Variants in ANKRD13C observed in about 807,000 individuals in gnomAD.
ANKRD13C encodes the protein ankyrin repeat domain 13C.
In ANKRD13C, 16 loss-of-function variants were observed where a neutral mutation model predicts 65.5. The ratio of observed to expected loss-of-function variants is 0.24; its 90% CI spans 0.17 to 0.37. The LOEUF (loss-of-function observed/expected upper bound fraction) is 0.37, where lower values mean the gene tolerates loss of function less well. ANKRD13C is among the 10% of genes least tolerant of loss of function. ANKRD13C has a pLI of 1.00. For missense variants in ANKRD13C, 503 were observed against 655.9 expected (o/e 0.77, Z 2.55); for synonymous variants, 235 against 238.7 (o/e 0.98, Z 0.14).
At chr1:70,338,430 C>A (rs966030669) in intron 1 of ANKRD13C, among the ~76,000 whole-genome samples, 34 of 152,208 alleles carry the variant, frequency 2.2e-4, no homozygotes, top group African/African-American at 8.2e-4. Flanking sequence ...GAGACAGAGT[C>A]TCCTTCTGTT....
intron 12 of ANKRD13C, among the ~76,000 whole-genome samples, chr1:70,264,234 G>A (rs1678508497): frequency 6.6e-6 from 1 of 152,104 alleles, no homozygotes; most frequent in Non-Finnish European, 1.5e-5. Context: ...CCAGCACTTT[G>A]GGAGGCTGAG....
At chr1:70,339,259 C>CAA (rs910228172) in intron 1 of ANKRD13C, among the ~76,000 whole-genome samples, 9 of 147,506 alleles carry the variant, frequency 6.1e-5, no homozygotes, top group Admixed American at 2.0e-4. Flanking sequence ...GTGCTAGAGA[C>CAA]AAAAGGTCAA....
chr1:70,336,456 A>T (rs971232657), intron 1 of ANKRD13C, among the ~76,000 whole-genome samples: 1 of 152,306 alleles, frequency 6.6e-6, no homozygotes, highest in Non-Finnish European at 1.5e-5. Context: ...GTAAGACTGA[A>T]TCCCAGTTTT....
chr1:70,324,017 T>G (rs1210843106), intron 3 of ANKRD13C, among the ~76,000 whole-genome samples: 5 of 152,128 alleles, frequency 3.3e-5, no homozygotes, highest in African/African-American at 1.2e-4. Flanking sequence ...TGAGCCACCG[T>G]GCCCAGCCTG....
intron 6 of ANKRD13C, among the ~76,000 whole-genome samples, chr1:70,305,162 T>A (rs1414799000): frequency 6.6e-6 from 1 of 152,092 alleles, no homozygotes; most frequent in African/African-American, 2.4e-5. Flanking sequence ...TTAACCAAAT[T>A]CTATTGCTTA....
chr1:70,296,032 C>A, intron 8 of ANKRD13C, 98 bp downstream of exon 8: 1 of 1,411,370 alleles, frequency 7.1e-7, no homozygotes, highest in South Asian at 1.5e-5. Flanking sequence ...TACTTGGAGA[C>A]AATTCTGTAA....
At chr1:70,322,989 G>A (rs971335320) in intron 3 of ANKRD13C, among the ~76,000 whole-genome samples, 3 of 150,770 alleles carry the variant, frequency 2.0e-5, no homozygotes, top group Non-Finnish European at 4.4e-5. Flanking sequence ...GTGGAACTCC[G>A]TCTCAAAAAA....
chr1:70,277,468 A>G (rs1351766031), intron 9 of ANKRD13C, among the ~76,000 whole-genome samples: 1 of 152,078 alleles, frequency 6.6e-6, no homozygotes, highest in Non-Finnish European at 1.5e-5. Context: ...AAAAAAAAAA[A>G]AACAAAACTC....
chr1:70,271,801 T>A (rs1465751233), intron 11 of ANKRD13C, among the ~76,000 whole-genome samples: 1 of 152,186 alleles, frequency 6.6e-6, no homozygotes, highest in Non-Finnish European at 1.5e-5. Context: ...TACAGAGAAA[T>A]TTTCTTCTAT....
intron 7 of ANKRD13C, among the ~76,000 whole-genome samples, chr1:70,296,780 A>T (rs895208154): frequency 6.6e-6 from 1 of 152,222 alleles, no homozygotes; most frequent in Non-Finnish European, 1.5e-5. Context: ...GGATAGAAGA[A>T]GGGAAGCAGC....
chr1:70,282,054 C>CTTT (rs1228023912), intron 9 of ANKRD13C, among the ~76,000 whole-genome samples: 3 of 132,024 alleles, frequency 2.3e-5, no homozygotes, highest in African/African-American at 2.9e-5. Flanking sequence ...TACATATCAT[C>CTTT]TTTTTTTTTT....
chr1:70,349,970 T>C (rs1682679372), intron 1 of ANKRD13C, among the ~76,000 whole-genome samples: 1 of 152,120 alleles, frequency 6.6e-6, no homozygotes, highest in African/African-American at 2.4e-5. Context: ...ACCCTGTCTC[T>C]ACTAAAAATA....
intron 11 of ANKRD13C, 89 bp from the exon 12 acceptor site, chr1:70,271,045 A>C: frequency 2.7e-6 from 2 of 744,108 alleles, no homozygotes; most frequent in South Asian, 3.5e-5. Context: ...AAACCTGGAC[A>C]GTAGTATTGA....
chr1:70,265,122 G>A (rs535171324), intron 12 of ANKRD13C, among the ~76,000 whole-genome samples: 45 of 152,288 alleles, frequency 3.0e-4, no homozygotes, highest in South Asian at 1.0e-3. Flanking sequence ...AAAAAGACCA[G>A]CTTTTATTCT....
chr1:70,304,439 C>T (rs1680505166), intron 6 of ANKRD13C, among the ~76,000 whole-genome samples: 1 of 151,962 alleles, frequency 6.6e-6, no homozygotes, highest in African/African-American at 2.4e-5. Flanking sequence ...CTCTGTTGCC[C>T]AGGCTAAAGT....
chr1:70,331,481 T>G (rs1042087007), intron 2 of ANKRD13C, among the ~76,000 whole-genome samples: 1 of 151,908 alleles, frequency 6.6e-6, no homozygotes, highest in Non-Finnish European at 1.5e-5. Context: ...AGGTACAGTG[T>G]ATCTTAAAAG....
rs753541328 is a variant in ANKRD13C, at chr1:70,295,043, T to C, written c.1053+1087A>G. Among the ~76,000 whole-genome samples, 9 of 152,214 alleles carry C rather than the reference T, an allele frequency of 5.9e-5. No homozygotes were observed. In the Middle Eastern group the frequency reaches 0.014, roughly 232 times the overall value. On this transcript the variant is annotated intron_variant, in intron 8 of 12. Transcript: ENST00000370944. ...TCCACTCCCCTTCTATCTACTGGTT[T>C]TGTTTCTCAGAGAACCCTAATAATG...
At chr1:70,285,032 C>T (rs1373772861) in intron 9 of ANKRD13C, among the ~76,000 whole-genome samples, 1 of 152,094 alleles carries the variant, frequency 6.6e-6, no homozygotes, top group Admixed American at 6.6e-5. Context: ...GCTTTCCACA[C>T]AACTGTCATT....
chr1:70,307,605 C>T (rs941808805), intron 5 of ANKRD13C, among the ~76,000 whole-genome samples: 3 of 152,054 alleles, frequency 2.0e-5, no homozygotes, highest in Non-Finnish European at 4.4e-5. Flanking sequence ...AGAATATTAA[C>T]GAATTGTTGC....
Sources: allele counts gnomAD v4.1 joint callset (sites outside exome capture counted in the v4.1 genomes callset), GRCh38; gene constraint gnomAD v4.1.1; transcripts MANE v1.5; gene names NCBI Gene and HGNC (gene_info 2026-07-23, HGNC 2026-07-21).